CAMK2D: variants seen among roughly 807,000 people sequenced by gnomAD.
The protein encoded by CAMK2D is calcium/calmodulin-dependent protein kinase type II subunit delta.
Under a neutral mutation model 84.0 loss-of-function variants are expected in CAMK2D, and 37 were observed. That is an observed-to-expected ratio of 0.44 (90% CI 0.34 to 0.58). CAMK2D has a LOEUF of 0.58. CAMK2D is among the 20% of genes least tolerant of loss of function. CAMK2D has a pLI of 0.02. For missense variants in CAMK2D, 448 were observed against 652.5 expected, an observed-to-expected ratio of 0.69 and a Z score of 3.41; for synonymous variants, 202 against 212.5, an observed-to-expected ratio of 0.95 and a Z score of 0.43.
chr4:113,685,083 G>A (rs2099355821), intron 2 of CAMK2D, among the ~76,000 whole-genome samples: 1 of 152,126 alleles, frequency 6.6e-6, no homozygotes, highest in Non-Finnish European at 1.5e-5. Context: ...ACCAATGATA[G>A]GAGGGAGTCG....
chr4:113,580,487 T>C (rs1038864608), intron 4 of CAMK2D, among the ~76,000 whole-genome samples: 2 of 152,212 alleles, frequency 1.3e-5, no homozygotes, highest in African/African-American at 2.4e-5. Context: ...ACTGTCTCTC[T>C]AGTTAGAAAA....
chr4:113,663,590 AAATAAT>A (rs10525797), intron 2 of CAMK2D, among the ~76,000 whole-genome samples: 68 of 146,002 alleles, frequency 4.7e-4, no homozygotes, highest in Non-Finnish European at 7.8e-4. Flanking sequence ...CTCTGTCTAA[AAATAAT>A]AATAATAATA....
intron 2 of CAMK2D, among the ~76,000 whole-genome samples, chr4:113,749,768 T>C (rs2099613051): frequency 2.0e-5 from 3 of 152,128 alleles, no homozygotes; most frequent in African/African-American, 7.2e-5. Flanking sequence ...AAGTAGTTGC[T>C]CAAAAAGAAA....
chr4:113,718,822 T>C (rs571972786), intron 2 of CAMK2D, among the ~76,000 whole-genome samples: 2 of 152,328 alleles, frequency 1.3e-5, no homozygotes, highest in African/African-American at 4.8e-5. Flanking sequence ...TCAGCTATAA[T>C]TTTTGCAAAG....
intron 12 of CAMK2D, among the ~76,000 whole-genome samples, chr4:113,510,239 G>A (rs1297742409): frequency 6.6e-6 from 1 of 152,066 alleles, no homozygotes; most frequent in Admixed American, 6.6e-5. Flanking sequence ...CATATTATTG[G>A]CTTAGAGCAA....
intron 4 of CAMK2D, among the ~76,000 whole-genome samples, chr4:113,592,274 TATC>T (rs1472960695): frequency 6.6e-6 from 1 of 152,072 alleles, no homozygotes; most frequent in Non-Finnish European, 1.5e-5. Context: ...TGGCAGAAAA[TATC>T]ATCACATACT....
chr4:113,636,965 T>C (rs2099112277), intron 3 of CAMK2D, among the ~76,000 whole-genome samples: 1 of 152,166 alleles, frequency 6.6e-6, no homozygotes, highest in Non-Finnish European at 1.5e-5. Flanking sequence ...CTATGCTGCA[T>C]GGCCTGCAAG....
At chr4:113,680,104 G>A (rs1315723535) in intron 2 of CAMK2D, among the ~76,000 whole-genome samples, 1 of 151,900 alleles carries the variant, frequency 6.6e-6, no homozygotes, top group African/African-American at 2.4e-5. Context: ...ACAGGATCTT[G>A]CTACATTGCC....
chr4:113,506,153 A>C (rs976882812), intron 13 of CAMK2D, among the ~76,000 whole-genome samples: 24 of 152,306 alleles, frequency 1.6e-4, no homozygotes, highest in Non-Finnish European at 3.2e-4. Flanking sequence ...GAGCATTTCA[A>C]GTGGTGACAC....
rs539849861 is a variant in CAMK2D, at chr4:113,730,225, A to G, written c.160+29095T>C. Among the ~76,000 whole-genome samples, 4 of 152,376 alleles carry G rather than the reference A, an allele frequency of 2.6e-5. No individual in the cohort carries two copies. In the South Asian group the frequency reaches 8.3e-4, roughly 32 times the overall value. ...TAACTTTTCAGATGGCATTAACAGCAAATTCATTTCAACAACATACTTATT... is the reference window on the plus strand; with the variant it reads ...TAACTTTTCAGATGGCATTAACAGCGAATTCATTTCAACAACATACTTATT... On this transcript the variant is annotated intron_variant, in intron 2 of 20. Coordinates refer to ENST00000511664, the MANE Select transcript of CAMK2D (RefSeq NM_001321571.2).
intron 2 of CAMK2D, among the ~76,000 whole-genome samples, chr4:113,691,389 A>G (rs1213640827): frequency 6.6e-6 from 1 of 152,232 alleles, no homozygotes; most frequent in African/African-American, 2.4e-5. Flanking sequence ...GAAGGAATAA[A>G]GGTAATGCTA....
chr4:113,759,433 CA>C lies in CAMK2D; in HGVS notation c.66-20del. Reference sequence around the variant, plus strand: ...TGCCCCCCTGGAAACCAATAATTAGCAGGTCATTAATATAACAGATATAATA... The same window carrying C: ...TGCCCCCCTGGAAACCAATAATTAGCGGTCATTAATATAACAGATATAATA... On this transcript the variant is annotated intron_variant, in intron 1 of 20. Transcript: ENST00000511664. The C allele has an allele frequency of 3.5e-6, 5 of 1,431,868 alleles. No homozygotes were observed. Among genetic ancestry groups the C allele is most frequent in the Non-Finnish European group, 4.9e-6 (5 of 1,025,696 alleles). The allele number at this position is 1,431,868 out of a possible 1,614,324, so 88.7% of individuals were successfully genotyped here. A position where few individuals can be genotyped will look rare whatever the true frequency, so the allele number is the denominator to read the frequency against.
chr4:113,526,414 A>ATATGTG (rs1553930374), intron 8 of CAMK2D, among the ~76,000 whole-genome samples: 47,874 of 149,526 alleles, frequency 0.32, 8,424 homozygotes, highest in Admixed American at 0.48. Flanking sequence ...GTCATTCTTG[A>ATATGTG]TGTGTGTGTG....
chr4:113,697,795 T>C (rs2099407204), intron 2 of CAMK2D, among the ~76,000 whole-genome samples: 1 of 151,982 alleles, frequency 6.6e-6, no homozygotes, highest in Admixed American at 6.6e-5. Flanking sequence ...ATTAATGAAA[T>C]AGCCCATTTT....
At chr4:113,584,594 C>T (rs918234799) in intron 4 of CAMK2D, among the ~76,000 whole-genome samples, 9 of 152,254 alleles carry the variant, frequency 5.9e-5, no homozygotes, top group Non-Finnish European at 1.0e-4. Flanking sequence ...TGTGTCTCTC[C>T]ACCAGTCAGT....
At chr4:113,675,705 A>T (rs1163461797) in intron 2 of CAMK2D, among the ~76,000 whole-genome samples, 1 of 152,238 alleles carries the variant, frequency 6.6e-6, no homozygotes, top group Non-Finnish European at 1.5e-5. Context: ...AGGTAATTGT[A>T]GTCAGAGAGG....
chr4:113,546,254 A>G (rs1415428614), intron 6 of CAMK2D, among the ~76,000 whole-genome samples: 2 of 152,236 alleles, frequency 1.3e-5, no homozygotes, highest in Admixed American at 1.3e-4. Context: ...GAGAGGTAAC[A>G]AAAGGGGCTC....
chr4:113,638,160 A>T (rs778852240), intron 3 of CAMK2D, among the ~76,000 whole-genome samples: 1 of 152,208 alleles, frequency 6.6e-6, no homozygotes, highest in Admixed American at 6.5e-5. Flanking sequence ...ACCCATGCAT[A>T]ATATGAAGAA....
intron 16 of CAMK2D, among the ~76,000 whole-genome samples, chr4:113,473,643 A>T (rs1195680684): frequency 1.3e-5 from 2 of 152,216 alleles, no homozygotes; most frequent in Middle Eastern, 3.2e-3. Flanking sequence ...TAAAAAAAAT[A>T]AATAAATTAT....
Sources: gnomAD v4.1 joint callset for allele counts (sites outside exome capture counted in the v4.1 genomes callset) on GRCh38, gnomAD v4.1.1 for gene constraint, MANE v1.5 for transcripts, NCBI Gene and HGNC (gene_info 2026-07-23, HGNC 2026-07-21) for gene names.